Variants in RNF213 observed in about 807,000 individuals in gnomAD.
RNF213 encodes the protein ring finger protein 213.
Under a neutral mutation model 514.4 loss-of-function variants are expected in RNF213, and 341 were observed. The ratio of observed to expected loss-of-function variants is 0.66; its 90% CI spans 0.61 to 0.73. RNF213 has a LOEUF of 0.73. RNF213 is among the 30% of genes least tolerant of loss of function. The pLI, the probability that RNF213 is intolerant of heterozygous loss-of-function variation, is 0.00. For synonymous variants in RNF213, 2,655 were observed against 2,658.2 expected (o/e 1.00, Z 0.04); for missense variants, 5,767 against 6,615.6 (o/e 0.87, Z 4.45).
In RNF213 at chr17:80,390,831, G is replaced by A. The variant is rs59370180; in HGVS notation, c.15470+635G>A. 7.7e-3 allele frequency among the ~76,000 whole-genome samples: 1,170 copies of A among 152,224 alleles called. 18 individuals are homozygous for A. The highest frequency in any genetic ancestry group is 0.027 in the African/African-American group (1,107 of 41,528). ...TAATCCCAGCACTTTGGGAGGCCGAGGTGGGTGGATCACCTGAGGTCAGGA... is the reference window on the plus strand; with the variant it reads ...TAATCCCAGCACTTTGGGAGGCCGAAGTGGGTGGATCACCTGAGGTCAGGA... On this transcript the variant is annotated intron_variant, in intron 67 of 67. Coordinates refer to ENST00000582970, the MANE Select transcript of RNF213 (RefSeq NM_001256071.3).
At chr17:80,261,219 G>C (rs906335964) in intron 1 of RNF213, among the ~76,000 whole-genome samples, 1 of 152,202 alleles carries the variant, frequency 6.6e-6, no homozygotes, top group African/African-American at 2.4e-5. Flanking sequence ...CTGCCCCCGG[G>C]AAGTGGCCGG....
At chr17:80,382,204 T>C (rs556159356) in intron 57 of RNF213, 6 of 160,632 alleles carry the variant, frequency 3.7e-5, no homozygotes, top group Non-Finnish European at 2.8e-5. Context: ...AAAAAAGCTA[T>C]AAAATATTGT....
intron 11 of RNF213, among the ~76,000 whole-genome samples, chr17:80,303,861 A>C (rs1369042795): frequency 6.6e-6 from 1 of 150,968 alleles, no homozygotes; most frequent in Non-Finnish European, 1.5e-5. Context: ...TGAGCCACCC[A>C]CTGTGCCTGG....
chr17:80,325,578 T>C (rs1160217660), intron 18 of RNF213, among the ~76,000 whole-genome samples: 1 of 152,048 alleles, frequency 6.6e-6, no homozygotes, highest in Non-Finnish European at 1.5e-5. Flanking sequence ...AAAACTAAAA[T>C]CCAGACCCAG....
At chr17:80,386,466 C>T (rs766004566) in intron 62 of RNF213, 36 bp downstream of exon 62, 3 of 1,608,362 alleles carry the variant, frequency 1.9e-6, no homozygotes, top group South Asian at 1.1e-5. Context: ...GGTGCCTGCT[C>T]AGCCCAGAGT....
rs1050763149 is a variant in RNF213 at position 80,316,568 on chromosome 17, G to A, written c.2812-620G>A. ...ACAGGAGCTGGAGCACGAGAGGAAC[G>A]GGGGTGGAGACCACTTCCTGGGGGC... is the stretch of plus-strand genomic sequence containing the variant. On this transcript the variant is annotated intron_variant, in intron 15 of 67. Transcript: ENST00000582970. 7 of 170,110 alleles carry A rather than the reference G, an allele frequency of 4.1e-5. No homozygotes were observed. The South Asian group carries it at 4.2e-4, about 10-fold the overall frequency. 10.5% of individuals were successfully genotyped at this position (170,110 alleles called of 1,614,324 possible).
chr17:80,307,242 C>A, intron 13 of RNF213, 41 bp downstream of exon 13: 2 of 1,586,108 alleles, frequency 1.3e-6, no homozygotes, highest in Non-Finnish European at 1.7e-6. Context: ...TCACATGCGG[C>A]CCCCGGGGGC....
In RNF213 at chr17:80,351,640, G is replaced by T. The variant is rs759162874; in HGVS notation, c.10185-45G>T. On this transcript the variant is annotated intron_variant, in intron 31 of 67. Coordinates refer to ENST00000582970, the MANE Select transcript of RNF213 (RefSeq NM_001256071.3). The stretch of plus-strand genomic sequence containing the variant: ...TGTTTATTTGCTTGTTTTTGTGTGT[G>T]TGTTTGTTTTTAAAATAGGTATTCT... 6.9e-6 allele frequency: 7 copies of T among 1,014,822 alleles called. No homozygotes were observed. The South Asian group carries it at 7.9e-5, about 11-fold the overall frequency. The allele number at this position is 1,014,822 out of a possible 1,614,324, so 62.9% of individuals were successfully genotyped here.
At position 80,376,512 on chromosome 17, in the gene RNF213, A is replaced by G; in HGVS notation, c.13397A>G (p.Lys4466Arg). 1 of 1,614,116 alleles carries G rather than the reference A, an allele frequency of 6.2e-7. No homozygotes were observed. The highest frequency in any genetic ancestry group is 8.5e-7 in the Non-Finnish European group (1 of 1,180,028). The change falls in exon 52 of 68, where the codon AAG (lysine) becomes AGG (arginine). Residue 4466 changes from lysine (K) to arginine (R), a missense_variant. Coordinates refer to ENST00000582970, the MANE Select transcript of RNF213 (RefSeq NM_001256071.3). ...CAGAATGAACTCTTGGAGCCCCTAA[A>G]GAATCTGGCCTTCTCCCCAGCCACC... Reference protein sequence around the residue: ...CGQNELLEPLKNLAFSPATMA... With the variant: ...CGQNELLEPLRNLAFSPATMA...
In RNF213 at chr17:80,290,661, A is replaced by G; in HGVS notation, c.1204A>G (p.Ile402Val). Reference sequence around the variant, plus strand: ...CAATCCTGACCTCCATAAAGTCTTCATCAGAGGAGGAGAAGAATTTGGGGA... The same window carrying G: ...CAATCCTGACCTCCATAAAGTCTTCGTCAGAGGAGGAGAAGAATTTGGGGA... Reference protein sequence around the residue: ...PFNPDLHKVFIRGGEEFGESK... With the variant: ...PFNPDLHKVFVRGGEEFGESK... The change falls in exon 7 of 68, where the codon ATC (isoleucine) becomes GTC (valine). Residue 402 changes from isoleucine to valine, a missense_variant. This residue lies in a region of RNF213 where 509 missense variants were observed against 496.7 expected (regional missense o/e 1.02). Transcript: ENST00000582970. 6.2e-7 allele frequency: 1 copy of G among 1,614,192 alleles called. No individual in the cohort carries two copies.
At chr17:80,322,150 C>T (rs1387748103) in intron 17 of RNF213, among the ~76,000 whole-genome samples, 2 of 64,016 alleles carry the variant, frequency 3.1e-5, no homozygotes, top group African/African-American at 7.2e-5. Flanking sequence ...CCTCATCCCC[C>T]CCACCCCCCC....
chr17:80,346,327 C>A lies in RNF213; in HGVS notation c.7992C>A (p.Ala2664=). The change falls in exon 29 of 68, where the codon GCC becomes GCA. Residue 2664 remains alanine, a synonymous_variant. Coordinates refer to ENST00000582970, the MANE Select transcript of RNF213 (RefSeq NM_001256071.3). This position sits in a 1 kb window ranked among gnomAD's most constrained non-coding sequence, Gnocchi z 8.1. ...HSAMLLAQLN[A]FLSKSSVSKN... Reference sequence around the variant, plus strand: ...CGATGCTCTTAGCGCAGCTGAATGCCTTTCTCTCCAAGTCCAGCGTCAGCA... The same window carrying A: ...CGATGCTCTTAGCGCAGCTGAATGCATTTCTCTCCAAGTCCAGCGTCAGCA... 6.2e-7 allele frequency: 1 copy of A among 1,613,984 alleles called. No individual in the cohort carries two copies. The highest frequency in any genetic ancestry group is 8.5e-7 in the Non-Finnish European group (1 of 1,180,036).
chr17:80,380,857 G>A lies in RNF213; in HGVS notation c.13667G>A (p.Gly4556Asp), dbSNP rs2079968324. The change falls in exon 56 of 68, where the codon GGC becomes GAC. Residue 4556 changes from glycine (G) to aspartate (D), a missense_variant. By Grantham distance (94) the Gly-to-Asp change is moderately conservative. Coordinates refer to ENST00000582970, the MANE Select transcript of RNF213 (RefSeq NM_001256071.3). ...GACAAGGCAGACAGAACGCAGACCG[G>A]CCACGTGCTGGGCAACCCGCAGCGG... ...VKDKADRTQT[G>D]HVLGNPQRRD... 6.2e-7 allele frequency: 1 copy of A among 1,614,208 alleles called. No homozygotes were observed. The highest frequency in any genetic ancestry group is 1.1e-5 in the South Asian group (1 of 91,088).
intron 17 of RNF213, chr17:80,319,576 A>C: frequency 3.8e-6 from 6 of 1,591,572 alleles, no homozygotes; most frequent in Non-Finnish European, 5.1e-6. Context: ...CGTGTGGCAC[A>C]AGTCACACGG....
intron 25 of RNF213, 136 bp from the exon 26 acceptor site, chr17:80,339,065 G>A: frequency 1.8e-6 from 1 of 543,980 alleles, no homozygotes; most frequent in Non-Finnish European, 3.1e-6. Flanking sequence ...GAGGAGGGAG[G>A]CCTTGTGAGC....
At position 80,355,749 on chromosome 17, in the gene RNF213, A is replaced by G. The variant is rs1301088391; in HGVS notation, c.10862+1173A>G. 3.4e-4 allele frequency among the ~76,000 whole-genome samples: 29 copies of G among 85,806 alleles called. 1 individual carries two copies. Among genetic ancestry groups the G allele is most frequent in the African/African-American group, 1.2e-3 (22 of 18,194 alleles). The allele number at this position is 85,806 out of a possible 152,430, so 56.3% of individuals were successfully genotyped here. On this transcript the variant is annotated intron_variant, in intron 36 of 67. Coordinates refer to ENST00000582970, the MANE Select transcript of RNF213 (RefSeq NM_001256071.3). ...GGTGGACGGGAATGGGGGCTCACGG[A>G]GGAAGAAGCGGGGTGAATGGGAATG... is the stretch of plus-strand genomic sequence containing the variant.
At position 80,386,333 on chromosome 17, in the gene RNF213, G is replaced by C; in HGVS notation, c.14623G>C (p.Gly4875Arg). 6.2e-7 allele frequency: 1 copy of C among 1,614,044 alleles called. No homozygotes were observed. Among genetic ancestry groups the C allele is most frequent in the Admixed American group, 1.7e-5 (1 of 60,014 alleles). ...EFEILLPRRR[G>R]LGLCATALVS... is the part of the protein sequence containing the mutation. Reference sequence around the variant, plus strand: ...TGAGATCCTCTTGCCACGCCGACGGGGCCTGGGCCTCTGTGCTACCGCTCT... The same window carrying C: ...TGAGATCCTCTTGCCACGCCGACGGCGCCTGGGCCTCTGTGCTACCGCTCT... Residue 4875 changes from glycine (G) to arginine (R), a missense_variant, in exon 62 of 68, where the codon GGC becomes CGC. Gly to Arg is a moderately radical substitution (Grantham distance 125). Transcript: ENST00000582970.
chr17:80,261,267 G>A (rs145348848), intron 1 of RNF213, among the ~76,000 whole-genome samples: 2 of 152,302 alleles, frequency 1.3e-5, no homozygotes, highest in East Asian at 1.9e-4. Flanking sequence ...AGCCGGACCC[G>A]GGCCTGCAGG....
In RNF213 at chr17:80,353,259, A is replaced by G. The variant is rs2144226454; in HGVS notation, c.10423+200A>G. ...GAGCAGGTGCGCTTACCACAGGCTGAGGTAGAGCTCTGTGAGCAGGCCAGC... is the reference window on the plus strand; with the variant it reads ...GAGCAGGTGCGCTTACCACAGGCTGGGGTAGAGCTCTGTGAGCAGGCCAGC... On this transcript the variant is annotated intron_variant, in intron 33 of 67. Transcript: ENST00000582970. This position sits in a 1 kb window ranked among gnomAD's most constrained non-coding sequence, Gnocchi z 5.0. 16 of 814,220 alleles carry G rather than the reference A, an allele frequency of 2.0e-5. No homozygotes were observed. The South Asian group carries it at 2.3e-4, about 12-fold the overall frequency. The allele number at this position is 814,220 out of a possible 1,614,324, so 50.4% of individuals were successfully genotyped here.
Sources: gnomAD v4.1 joint callset for allele counts (sites outside exome capture counted in the v4.1 genomes callset) on GRCh38, gnomAD v4.1.1 for gene constraint, gnomAD v4.1.1 regional missense constraint, Gnocchi (gnomAD v3.1) non-coding constraint, MANE v1.5 for transcripts, NCBI Gene and HGNC (gene_info 2026-07-23, HGNC 2026-07-21) for gene names.